The following ACSBG1 variants were observed in gnomAD, a reference collection of about 807,000 sequenced individuals.
ACSBG1 encodes the protein acyl-CoA synthetase bubblegum family member 1.
ACSBG1 carries 39 observed loss-of-function variants against 80.2 expected under a neutral mutation model. That is an observed-to-expected ratio of 0.49 (90% CI 0.38 to 0.64). The LOEUF (loss-of-function observed/expected upper bound fraction) is 0.64, where lower values mean the gene tolerates loss of function less well. Among genes scored for constraint, ACSBG1 ranks in the 30% least tolerant of loss-of-function variants. ACSBG1 has a pLI of 0.00. For missense variants in ACSBG1, 828 were observed against 966.4 expected (o/e 0.86, Z 1.90); for synonymous variants, 392 against 379.5 (o/e 1.03, Z -0.38).
intron 1 of ACSBG1, among the ~76,000 whole-genome samples, chr15:78,214,275 GC>G (rs2075290568): frequency 6.6e-6 from 1 of 151,974 alleles, no homozygotes; most frequent in South Asian, 2.1e-4. Flanking sequence ...CCACCTCTCA[GC>G]CCCCTCTCCC....
chr15:78,217,266 C>T (rs192417249), intron 1 of ACSBG1, among the ~76,000 whole-genome samples: 191 of 152,302 alleles, frequency 1.3e-3, no homozygotes, highest in South Asian at 2.9e-3. Flanking sequence ...ATGCAATCTT[C>T]GTAACAGCCC....
In ACSBG1 at chr15:78,215,724, G is replaced by GAGAAAGAAAGAAAGAAAGGAAGAAAGAA. The variant is rs1555434005; in HGVS notation, c.132-7623_132-7622insTTCTTTCTTCCTTTCTTTCTTTCTTTCT. ...AGAAGGAAAGAGAGAAAGAAAGAAA[G>GAGAAAGAAAGAAAGAAAGGAAGAAAGAA]AGAAAGAAAGAAAGAAAGAAAGAAA... is the stretch of plus-strand genomic sequence containing the variant. On this transcript the variant is annotated intron_variant, in intron 1 of 13. Transcript: ENST00000258873. Among the ~76,000 whole-genome samples, 296 of 116,638 alleles carry GAGAAAGAAAGAAAGAAAGGAAGAAAGAA rather than the reference G, an allele frequency of 2.5e-3. 2 individuals are homozygous for GAGAAAGAAAGAAAGAAAGGAAGAAAGAA. The highest frequency in any genetic ancestry group is 7.7e-3 in the African/African-American group (237 of 30,822). The allele number at this position is 116,638 out of a possible 152,430, so 76.5% of individuals were successfully genotyped here. A position where few individuals can be genotyped will look rare whatever the true frequency, so the allele number is the denominator to read the frequency against.
rs146939982 is a variant in ACSBG1 at position 78,173,686 on chromosome 15, G to A, written c.1996C>T (p.Arg666Trp). The change falls in exon 13 of 14, where the codon CGG (arginine) becomes TGG (tryptophan). Residue 666 changes from arginine (R) to tryptophan (W), a missense_variant. This residue lies in a region of ACSBG1 where 201 missense variants were observed against 227.0 expected (regional missense o/e 0.89). Transcript: ENST00000258873. ...GCCGCCGCGTTCATGTTGACCCTCC[G>A]GATCCCCTCTTCGATGGCCTGGTAC... ...AVYQAIEEGI[R>W]RVNMNAAARP... 1,070 of 1,614,070 alleles carry A rather than the reference G, an allele frequency of 6.6e-4. 1 individual carries two copies. Among genetic ancestry groups the A allele is most frequent in the Non-Finnish European group, 8.5e-4 (1,007 of 1,180,032 alleles).
chr15:78,211,844 C>T (rs547317484), intron 1 of ACSBG1, among the ~76,000 whole-genome samples: 18 of 152,338 alleles, frequency 1.2e-4, no homozygotes, highest in Middle Eastern at 6.8e-3. Flanking sequence ...TTCCCCAACA[C>T]CCTCTCACCC....
In ACSBG1 at chr15:78,167,946, T is replaced by C. The variant is rs967539754; in HGVS notation, c.*3498A>G. ...ATTTTCTTATTCTTTAAAGTTATAT[T>C]TGGGAAGTTATAATCTACAGCCCAG... On this transcript the variant is annotated 3_prime_UTR_variant, in exon 14 of 14. Coordinates refer to ENST00000258873, the MANE Select transcript of ACSBG1 (RefSeq NM_015162.5). 2 of 152,196 alleles carry C rather than the reference T, an allele frequency of 1.3e-5. No homozygotes were observed. Among genetic ancestry groups the C allele is most frequent in the African/African-American group, 4.8e-5 (2 of 41,440 alleles). 9.4% of individuals were successfully genotyped at this position (152,196 alleles called of 1,614,324 possible). A position where few individuals can be genotyped will look rare whatever the true frequency, so the allele number is the denominator to read the frequency against.
chr15:78,198,464 A>G (rs540521510), intron 2 of ACSBG1, among the ~76,000 whole-genome samples: 4 of 152,276 alleles, frequency 2.6e-5, no homozygotes, highest in Admixed American at 6.5e-5. Context: ...CTCCTGCCTC[A>G]GCCTCCCAAG....
At chr15:78,174,639 T>C in intron 11 of ACSBG1, 115 bp from the exon 12 acceptor site, 1 of 1,299,346 alleles carries the variant, frequency 7.7e-7, no homozygotes, top group Non-Finnish European at 1.0e-6. Context: ...AGATGCCCCC[T>C]TTCTGGGAGC....
intron 2 of ACSBG1, among the ~76,000 whole-genome samples, chr15:78,197,105 T>C (rs2075121404): frequency 6.6e-6 from 1 of 151,422 alleles, no homozygotes; most frequent in East Asian, 1.9e-4. Flanking sequence ...ATTAAAAAAA[T>C]ATAAAAAGGA....
chr15:78,199,965 G>A (rs1567089467), intron 2 of ACSBG1, among the ~76,000 whole-genome samples: 1 of 152,108 alleles, frequency 6.6e-6, no homozygotes, highest in Non-Finnish European at 1.5e-5. Flanking sequence ...ACTCTCCACT[G>A]AAGGACGCTC....
Position 78,175,414 on chromosome 15 carries a change from T to C in ACSBG1, c.1703-890A>G, listed in dbSNP as rs185044578. 6.6e-3 allele frequency among the ~76,000 whole-genome samples: 999 copies of C among 152,358 alleles called. 13 individuals are homozygous for C. Among genetic ancestry groups the C allele is most frequent in the African/African-American group, 0.023 (970 of 41,590 alleles). ...AGAATAGAACAAGGCTGCCCATGGC[T>C]GCAAGGAGCCCACAGTGCAGCGGGG... is the stretch of plus-strand genomic sequence containing the variant. On this transcript the variant is annotated intron_variant, in intron 11 of 13. Coordinates refer to ENST00000258873, the MANE Select transcript of ACSBG1 (RefSeq NM_015162.5).
At chr15:78,198,859 A>C (rs1403466978) in intron 2 of ACSBG1, among the ~76,000 whole-genome samples, 2 of 152,236 alleles carry the variant, frequency 1.3e-5, no homozygotes, top group African/African-American at 4.8e-5. Flanking sequence ...CACAGGTAGC[A>C]AACCCAAAAT....
At chr15:78,216,937 C>T (rs988013272) in intron 1 of ACSBG1, among the ~76,000 whole-genome samples, 1 of 152,266 alleles carries the variant, frequency 6.6e-6, no homozygotes, top group African/African-American at 2.4e-5. Flanking sequence ...GTTCTCTGGG[C>T]ACCAGAACAT....
chr15:78,216,070 T>TA (rs1369407357), intron 1 of ACSBG1, among the ~76,000 whole-genome samples: 1 of 152,226 alleles, frequency 6.6e-6, no homozygotes, highest in Non-Finnish European at 1.5e-5. Flanking sequence ...ATTGCTTTTT[T>TA]AAAAAACATA....
intron 2 of ACSBG1, among the ~76,000 whole-genome samples, chr15:78,202,832 A>T (rs2141360697): frequency 6.6e-6 from 1 of 152,306 alleles, no homozygotes; most frequent in Non-Finnish European, 1.5e-5. Flanking sequence ...AATCAGAGAC[A>T]TGTACAGCGA....
intron 5 of ACSBG1, among the ~76,000 whole-genome samples, chr15:78,187,668 T>A (rs1006180371): frequency 6.6e-6 from 1 of 152,170 alleles, no homozygotes; most frequent in Non-Finnish European, 1.5e-5. Context: ...ATTGATGGGA[T>A]GTATCTCAAA....
rs1243707269 is a variant in ACSBG1 at position 78,188,535 on chromosome 15, T to G, written c.663+4971A>C. On this transcript the variant is annotated intron_variant, in intron 5 of 13. Transcript: ENST00000258873. Reference sequence around the variant, plus strand: ...AAATAACACCGCATATCTACAACTATCTGATCTTTGACAAACCTGAGAAAA... The same window carrying G: ...AAATAACACCGCATATCTACAACTAGCTGATCTTTGACAAACCTGAGAAAA... 2.2e-4 allele frequency among the ~76,000 whole-genome samples: 31 copies of G among 138,296 alleles called. No individual in the cohort carries two copies. The Admixed American group carries it at 2.3e-3, about 10-fold the overall frequency. 90.7% of individuals were successfully genotyped at this position (138,296 alleles called of 152,430 possible).
intron 2 of ACSBG1, 103 bp downstream of exon 2, chr15:78,207,899 C>T (rs553995605): frequency 2.5e-5 from 22 of 894,034 alleles, no homozygotes; most frequent in East Asian, 1.1e-4. Flanking sequence ...TGCTCCTTCC[C>T]GCAGTTCTGT....
intron 1 of ACSBG1, among the ~76,000 whole-genome samples, chr15:78,227,461 T>C (rs1246134791): frequency 6.6e-6 from 1 of 152,124 alleles, no homozygotes; most frequent in East Asian, 1.9e-4. Flanking sequence ...ATATGCTCAA[T>C]ATCATTGATC....
intron 1 of ACSBG1, among the ~76,000 whole-genome samples, chr15:78,214,785 A>G (rs2075294367): frequency 6.6e-6 from 1 of 152,106 alleles, no homozygotes; most frequent in Non-Finnish European, 1.5e-5. Flanking sequence ...AGAGGCAGCA[A>G]TTGGGACAGG....
Sources: gnomAD v4.1 joint callset for allele counts (sites outside exome capture counted in the v4.1 genomes callset) on GRCh38, gnomAD v4.1.1 for gene constraint, gnomAD v4.1.1 regional missense constraint, MANE v1.5 for transcripts, NCBI Gene and HGNC (gene_info 2026-07-23, HGNC 2026-07-21) for gene names.